The following SYNE3 variants were observed in gnomAD, a reference collection of about 807,000 sequenced individuals.
SYNE3 encodes spectrin repeat containing nuclear envelope family member 3, also known as nesprin-3.
Under a neutral mutation model 111.2 loss-of-function variants are expected in SYNE3, and 100 were observed. The ratio of observed to expected loss-of-function variants is 0.90; its 90% CI spans 0.77 to 1.06. The LOEUF (loss-of-function observed/expected upper bound fraction) is 1.06. Ranked by LOEUF, SYNE3 falls within the 50% of genes least tolerant of loss-of-function variation. SYNE3 has a pLI of 0.00. For missense variants in SYNE3, 1,160 were observed against 1,240.3 expected, an observed-to-expected ratio of 0.94 and a Z score of 0.97; for synonymous variants, 547 against 533.9, an observed-to-expected ratio of 1.02 and a Z score of -0.34.
intron 15 of SYNE3, 121 bp downstream of exon 15, chr14:95,436,699 T>C (rs1273003347): frequency 2.2e-5 from 26 of 1,202,474 alleles, no homozygotes; most frequent in Non-Finnish European, 2.7e-5. Flanking sequence ...CGATTATCTA[T>C]ACACAAGGGA....
intron 1 of SYNE3, among the ~76,000 whole-genome samples, chr14:95,489,187 A>C (rs116601855): frequency 0.012 from 1,851 of 152,344 alleles, 37 homozygotes; most frequent in African/African-American, 0.042. Context: ...CAACAGCCAA[A>C]GCCAGTAAAA....
chr14:95,443,232 C>CCAGAGGCCTTGCAGCCTCCAT lies in SYNE3; in HGVS notation c.1813_1833dup (p.Met605_Leu611dup). 1.2e-6 allele frequency: 2 copies of CCAGAGGCCTTGCAGCCTCCAT among 1,614,212 alleles called. No individual in the cohort carries two copies. Among genetic ancestry groups the CCAGAGGCCTTGCAGCCTCCAT allele is most frequent in the Non-Finnish European group, 1.7e-6 (2 of 1,180,024 alleles). On this transcript the variant is annotated inframe_insertion, in exon 11 of 18. Transcript: ENST00000682763. Reference sequence around the variant, plus strand: ...TGCTGGTGGTTGGGGTTCTCCTGGACCAGAGGCCTTGCAGCCTCCATCTGT... The same window carrying CCAGAGGCCTTGCAGCCTCCAT: ...TGCTGGTGGTTGGGGTTCTCCTGGACCAGAGGCCTTGCAGCCTCCATCAGAGGCCTTGCAGCCTCCATCTGT...
chr14:95,471,116 A>G (rs1888504033), intron 2 of SYNE3, among the ~76,000 whole-genome samples: 1 of 152,236 alleles, frequency 6.6e-6, no homozygotes, highest in Non-Finnish European at 1.5e-5. Context: ...AGAAACCACC[A>G]GCCTTGAGGA....
chr14:95,473,485 G>A (rs941312974), intron 2 of SYNE3, among the ~76,000 whole-genome samples: 1 of 152,186 alleles, frequency 6.6e-6, no homozygotes, highest in South Asian at 2.1e-4. Context: ...AGAGATGCAC[G>A]GACAGGAGGG....
At chr14:95,486,885 C>G (rs1023875282) in intron 1 of SYNE3, among the ~76,000 whole-genome samples, 5 of 152,166 alleles carry the variant, frequency 3.3e-5, no homozygotes, top group Non-Finnish European at 1.5e-5. Context: ...GGGACCCCAG[C>G]CTGAAGGATA....
chr14:95,444,384 C>T (rs749710766), intron 10 of SYNE3, 101 bp downstream of exon 10: 43 of 1,459,190 alleles, frequency 2.9e-5, no homozygotes, highest in South Asian at 4.3e-5. Context: ...TTCTGGCTCA[C>T]GGCAGCTGTT....
At chr14:95,487,207 TG>T in intron 1 of SYNE3, among the ~76,000 whole-genome samples, 2 of 152,386 alleles carry the variant, frequency 1.3e-5, no homozygotes, top group Middle Eastern at 3.4e-3. Context: ...CTCCTTTCTT[TG>T]GGTCCCCACA....
chr14:95,480,896 C>T (rs1184954689), intron 1 of SYNE3, among the ~76,000 whole-genome samples: 2 of 152,258 alleles, frequency 1.3e-5, no homozygotes, highest in African/African-American at 4.8e-5. Flanking sequence ...AAGGCAGCCC[C>T]AGCCCATCTC....
intron 15 of SYNE3, among the ~76,000 whole-genome samples, chr14:95,434,517 C>T (rs758144488): frequency 4.6e-5 from 7 of 152,002 alleles, no homozygotes; most frequent in Non-Finnish European, 1.0e-4. Context: ...CTTGTGTAGA[C>T]TTGCAGCCCA....
intron 8 of SYNE3, among the ~76,000 whole-genome samples, chr14:95,447,310 A>AT (rs1318136969): frequency 6.6e-6 from 1 of 151,592 alleles, no homozygotes; most frequent in Non-Finnish European, 1.5e-5. Flanking sequence ...ATTTTTTTGT[A>AT]TTTTTTTAGT....
intron 1 of SYNE3, among the ~76,000 whole-genome samples, chr14:95,480,836 G>A (rs1889198620): frequency 1.3e-5 from 2 of 152,228 alleles, no homozygotes; most frequent in Admixed American, 6.5e-5. Flanking sequence ...ACCACGTGAG[G>A]CCCTTGTCCA....
rs963472432 is a variant in SYNE3, at chr14:95,410,196, G to A, written c.*7630C>T. 1.3e-5 allele frequency: 2 copies of A among 152,356 alleles called. No homozygotes were observed. The highest frequency in any genetic ancestry group is 4.8e-5 in the African/African-American group (2 of 41,466). 9.4% of individuals were successfully genotyped at this position (152,356 alleles called of 1,614,324 possible). ...AGGACTCAGGGTCCCCTGAGAGGAG[G>A]TGGCAGGCCGTGGTGGCAGGTCACT... On this transcript the variant is annotated 3_prime_UTR_variant, in exon 18 of 18. Transcript: ENST00000682763.
chr14:95,430,002 A>AAGGAAGGAAGGAAGGAAGGAAGGAAG lies in SYNE3; in HGVS notation c.2727+2076_2727+2077insCTTCCTTCCTTCCTTCCTTCCTTCCT, dbSNP rs1246807380. The AAGGAAGGAAGGAAGGAAGGAAGGAAG allele has an allele frequency of 4.3e-5, 10 of 231,184 alleles. No individual in the cohort carries two copies. The African/African-American group carries it at 5.5e-4, about 13-fold the overall frequency. The allele number at this position is 231,184 out of a possible 1,614,324, so 14.3% of individuals were successfully genotyped here. A position where few individuals can be genotyped will look rare whatever the true frequency, so the allele number is the denominator to read the frequency against. On this transcript the variant is annotated intron_variant, in intron 17 of 17. Coordinates refer to ENST00000682763, the MANE Select transcript of SYNE3 (RefSeq NM_152592.6). ...AGGAAGGAAGGAAGGAAGGAAGGAA[A>AAGGAAGGAAGGAAGGAAGGAAGGAAG]GAAGGGAGGGAGGGAGGGAGGGTAG... is the stretch of plus-strand genomic sequence containing the variant.
chr14:95,508,535 T>C (rs1436394464), intron 1 of SYNE3, among the ~76,000 whole-genome samples: 1 of 152,164 alleles, frequency 6.6e-6, no homozygotes. Flanking sequence ...GGACAGAGCA[T>C]GTTGGCAGGA....
intron 1 of SYNE3, among the ~76,000 whole-genome samples, chr14:95,477,842 T>G (rs1456607332): frequency 1.3e-5 from 2 of 152,200 alleles, no homozygotes; most frequent in African/African-American, 4.8e-5. Context: ...CATTTAAATG[T>G]ATTTGTTGTG....
At chr14:95,508,720 G>A (rs1890615754) in intron 1 of SYNE3, among the ~76,000 whole-genome samples, 1 of 152,216 alleles carries the variant, frequency 6.6e-6, no homozygotes, top group Non-Finnish European at 1.5e-5. Context: ...AACATCAGAT[G>A]TGAGTCCCAG....
chr14:95,426,393 C>T (rs936656327), intron 17 of SYNE3, among the ~76,000 whole-genome samples: 1 of 152,158 alleles, frequency 6.6e-6, no homozygotes, highest in African/African-American at 2.4e-5. Context: ...CACAGTAAGT[C>T]ACAGGGGTAA....
rs1903473742 is a variant in SYNE3, at chr14:95,413,024, C to G, written c.*4802G>C. On this transcript the variant is annotated 3_prime_UTR_variant, in exon 18 of 18. Coordinates refer to ENST00000682763, the MANE Select transcript of SYNE3 (RefSeq NM_152592.6). ...AATAAATCCTATGGAAAGAAAAACT[C>G]AAGTTGTTCCCTCGTATTGTTTCAC... is the stretch of plus-strand genomic sequence containing the variant. 1 of 152,190 alleles carries G rather than the reference C, an allele frequency of 6.6e-6. No individual in the cohort carries two copies. Among genetic ancestry groups the G allele is most frequent in the South Asian group, 2.1e-4 (1 of 4,830 alleles). 9.4% of individuals were successfully genotyped at this position (152,190 alleles called of 1,614,324 possible).
chr14:95,500,475 G>A lies in SYNE3; in HGVS notation c.-15+16121C>T, dbSNP rs189270541. ...TCCCCAGACCTCAGCACCAGCGGCC[G>A]CCCACAGCCAGGCAGCAGGGAGAAG... On this transcript the variant is annotated intron_variant, in intron 1 of 17. Coordinates refer to ENST00000682763, the MANE Select transcript of SYNE3 (RefSeq NM_152592.6). This position sits in a 1 kb window ranked among gnomAD's most constrained non-coding sequence, Gnocchi z 4.7. 4.1e-4 allele frequency among the ~76,000 whole-genome samples: 63 copies of A among 152,296 alleles called. 1 individual carries two copies. The highest frequency in any genetic ancestry group is 1.0e-3 in the Admixed American group (16 of 15,304).
Sources: allele counts gnomAD v4.1 joint callset (sites outside exome capture counted in the v4.1 genomes callset), GRCh38; gene constraint gnomAD v4.1.1; non-coding constraint Gnocchi (gnomAD v3.1); transcripts MANE v1.5; gene names NCBI Gene and HGNC (gene_info 2026-07-23, HGNC 2026-07-21).